Variants in APLF observed in about 807,000 individuals in gnomAD.
The protein encoded by APLF is aprataxin and PNK-like factor.
APLF carries 61 observed loss-of-function variants against 55.6 expected under a neutral mutation model. The observed-to-expected ratio is 1.10, with a 90% CI of 0.89 to 1.36. The LOEUF (loss-of-function observed/expected upper bound fraction) is 1.36. APLF is among the 40% of genes most tolerant of loss of function. APLF has a pLI of 0.00. For missense variants in APLF, 611 were observed against 602.5 expected (o/e 1.01, Z -0.15); for synonymous variants, 207 against 214.8 (o/e 0.96, Z 0.32).
intron 1 of APLF, among the ~76,000 whole-genome samples, chr2:68,484,455 G>C (rs976099859): frequency 6.6e-6 from 1 of 151,980 alleles, no homozygotes; most frequent in African/African-American, 2.4e-5. Context: ...TTGGGAGGCA[G>C]AGGTGGGTGG....
At chr2:68,566,969 ACTT>A (rs745985352) in intron 8 of APLF, among the ~76,000 whole-genome samples, 28 of 152,094 alleles carry the variant, frequency 1.8e-4, no homozygotes, top group African/African-American at 6.3e-4. Flanking sequence ...GCACATATGT[ACTT>A]AATACATATT....
chr2:68,504,340 A>G (rs1267738877), intron 3 of APLF, among the ~76,000 whole-genome samples: 1 of 151,920 alleles, frequency 6.6e-6, no homozygotes, highest in African/African-American at 2.4e-5. Flanking sequence ...AAATCAGACA[A>G]GATTTTACAA....
Position 68,578,734 on chromosome 2 carries a change from G to A in APLF, c.*712G>A. On this transcript the variant is annotated 3_prime_UTR_variant, in exon 10 of 10. Coordinates refer to ENST00000303795, the MANE Select transcript of APLF (RefSeq NM_173545.3). The stretch of plus-strand genomic sequence containing the variant: ...CCTTTTTTTTCAAACTAAAGTCCTA[G>A]CTGATTATTTTAACTCTCAGTGTGC... The A allele has an allele frequency of 1.0e-6, 1 of 985,006 alleles. No homozygotes were observed. The highest frequency in any genetic ancestry group is 1.2e-6 in the Non-Finnish European group (1 of 829,758). 61.0% of individuals were successfully genotyped at this position (985,006 alleles called of 1,614,324 possible). A position where few individuals can be genotyped will look rare whatever the true frequency, so the allele number is the denominator to read the frequency against.
At chr2:68,548,341 A>C (rs952151454) in intron 8 of APLF, among the ~76,000 whole-genome samples, 4 of 151,954 alleles carry the variant, frequency 2.6e-5, no homozygotes, top group African/African-American at 9.7e-5. Flanking sequence ...TATATTTGCA[A>C]CCCACATAAT....
At chr2:68,480,882 C>T (rs895903815) in intron 1 of APLF, among the ~76,000 whole-genome samples, 5 of 151,906 alleles carry the variant, frequency 3.3e-5, no homozygotes, top group Non-Finnish European at 7.4e-5. Context: ...TGGTTTTTGT[C>T]CTTAATTCTG....
At position 68,578,039 on chromosome 2, in the gene APLF, T is replaced by C; in HGVS notation, c.*17T>C. 1 of 1,606,438 alleles carries C rather than the reference T, an allele frequency of 6.2e-7. No individual in the cohort carries two copies. Among genetic ancestry groups the C allele is most frequent in the Non-Finnish European group, 8.5e-7 (1 of 1,176,580 alleles). Reference sequence around the variant, plus strand: ...AGAAAATAGTAACTAACTTCTGTAGTCATATCTGCCTTACATTTACTTTTT... The same window carrying C: ...AGAAAATAGTAACTAACTTCTGTAGCCATATCTGCCTTACATTTACTTTTT... On this transcript the variant is annotated 3_prime_UTR_variant, in exon 10 of 10. Transcript: ENST00000303795.
chr2:68,520,883 A>C (rs1209668826), intron 5 of APLF, among the ~76,000 whole-genome samples: 1 of 151,908 alleles, frequency 6.6e-6, no homozygotes, highest in East Asian at 1.9e-4. Context: ...TGAGAATTTC[A>C]TTGAATTTGT....
intron 8 of APLF, among the ~76,000 whole-genome samples, chr2:68,555,958 C>T (rs562131898): frequency 6.6e-6 from 1 of 152,184 alleles, no homozygotes; most frequent in African/African-American, 2.4e-5. Flanking sequence ...AACCCAAATG[C>T]GCATCAATAA....
At chr2:68,474,994 A>G (rs951424899) in intron 1 of APLF, among the ~76,000 whole-genome samples, 2 of 152,192 alleles carry the variant, frequency 1.3e-5, no homozygotes, top group Non-Finnish European at 2.9e-5. Context: ...AAAGCTCTGA[A>G]GATGATTGTA....
chr2:68,524,869 A>G (rs1035729008), intron 5 of APLF, among the ~76,000 whole-genome samples: 6 of 152,234 alleles, frequency 3.9e-5, no homozygotes, highest in Non-Finnish European at 7.3e-5. Flanking sequence ...TTTGCCATGG[A>G]CAATTATGAA....
intron 9 of APLF, among the ~76,000 whole-genome samples, chr2:68,573,856 T>C (rs959899317): frequency 4.0e-5 from 6 of 151,236 alleles, no homozygotes; most frequent in Middle Eastern, 3.4e-3. Context: ...ACATAACATG[T>C]CCTAATGATA....
At chr2:68,522,266 T>G (rs1669919142) in intron 5 of APLF, among the ~76,000 whole-genome samples, 1 of 151,664 alleles carries the variant, frequency 6.6e-6, no homozygotes, top group Admixed American at 6.6e-5. Flanking sequence ...AGGAATAACT[T>G]GAATTATTTA....
chr2:68,478,855 C>T (rs982246328), intron 1 of APLF, among the ~76,000 whole-genome samples: 4 of 152,174 alleles, frequency 2.6e-5, no homozygotes, highest in Non-Finnish European at 5.9e-5. Context: ...CTGCCCTTAT[C>T]TACAAAGGTG....
chr2:68,505,341 A>C (rs1219806194), intron 3 of APLF, among the ~76,000 whole-genome samples: 1 of 152,072 alleles, frequency 6.6e-6, no homozygotes, highest in African/African-American at 2.4e-5. Context: ...TTACCTGATA[A>C]CTTATTTAAG....
chr2:68,494,691 T>A (rs113508579), intron 2 of APLF, among the ~76,000 whole-genome samples: 4,175 of 152,170 alleles, frequency 0.027, 193 homozygotes, highest in African/African-American at 0.094. Flanking sequence ...GTGTGTTGTT[T>A]CCCACCCTGT....
chr2:68,556,030 GAATT>G (rs2104040354), intron 8 of APLF, among the ~76,000 whole-genome samples: 1 of 152,304 alleles, frequency 6.6e-6, no homozygotes, highest in African/African-American at 2.4e-5. Flanking sequence ...AAGAAGGAAT[GAATT>G]AATGGCACTC....
In APLF at chr2:68,513,087, C is replaced by A; in HGVS notation, c.349C>A (p.Gln117Lys). Residue 117 changes from glutamine (Q) to lysine (K), a missense_variant, in exon 4 of 10, where the codon CAA becomes AAA. Physicochemically the swap from Gln to Lys is moderately conservative, Grantham distance 53. Coordinates refer to ENST00000303795, the MANE Select transcript of APLF (RefSeq NM_173545.3). ...TTCTATTTTATCTTATAGAAACAGT[C>A]AAGTGCTTGATGAAGATAATATATT... ...VEMQCTLRNS[Q>K]VLDEDNILNE... 1.2e-6 allele frequency: 2 copies of A among 1,603,894 alleles called. No individual in the cohort carries two copies. Among genetic ancestry groups the A allele is most frequent in the Non-Finnish European group, 1.7e-6 (2 of 1,175,026 alleles).
intron 1 of APLF, among the ~76,000 whole-genome samples, chr2:68,485,951 G>A (rs571800055): frequency 6.6e-6 from 1 of 151,698 alleles, no homozygotes; most frequent in African/African-American, 2.4e-5. Flanking sequence ...TAATATTTGG[G>A]ACTATAGGCA....
At chr2:68,565,216 ACT>A (rs1482932092) in intron 8 of APLF, among the ~76,000 whole-genome samples, 1 of 151,934 alleles carries the variant, frequency 6.6e-6, no homozygotes, top group East Asian at 1.9e-4. Context: ...AAGCAATAAC[ACT>A]CTATTTTTCT....
Sources: gnomAD v4.1 joint callset for allele counts (sites outside exome capture counted in the v4.1 genomes callset) on GRCh38, gnomAD v4.1.1 for gene constraint, MANE v1.5 for transcripts, NCBI Gene and HGNC (gene_info 2026-07-23, HGNC 2026-07-21) for gene names.